The following ZNF705G variants were observed in gnomAD, a reference collection of about 807,000 sequenced individuals.
ZNF705G encodes zinc finger protein 705G.
In ZNF705G, 23 loss-of-function variants were observed where a neutral mutation model predicts 19.6. The observed-to-expected ratio is 1.17, with a 90% CI of 0.84 to 1.66. The LOEUF is 1.66. ZNF705G is among the 40% of genes most tolerant of loss of function. The pLI is 0.00. For synonymous variants in ZNF705G, 146 were observed against 117.7 expected, an observed-to-expected ratio of 1.24 and a Z score of -1.56; for missense variants, 457 against 354.4, an observed-to-expected ratio of 1.29 and a Z score of -2.32.
chr8:7,362,043 G>A lies in ZNF705G; in HGVS notation c.13-807C>T, dbSNP rs558980324. On this transcript the variant is annotated intron_variant, in intron 3 of 6. Coordinates refer to ENST00000400156, the MANE Select transcript of ZNF705G (RefSeq NM_001164457.3). ...AGCTTTCTGTTCTCAACTTTCTCTC[G>A]GCAATCCAAACATCAGTTATCATCG... is the stretch of plus-strand genomic sequence containing the variant. Among the ~76,000 whole-genome samples, 18 of 149,502 alleles carry A rather than the reference G, an allele frequency of 1.2e-4. 1 individual carries two copies. Among genetic ancestry groups the A allele is most frequent in the African/African-American group, 3.6e-4 (14 of 38,928 alleles).
intron 2 of ZNF705G, among the ~76,000 whole-genome samples, chr8:7,378,784 G>A (rs1181381547): frequency 1.4e-5 from 2 of 145,478 alleles, no homozygotes; most frequent in South Asian, 4.2e-4. Flanking sequence ...ATTACATTGG[G>A]CCCACCTGGA....
Position 7,374,887 on chromosome 8 carries a change from C to T in ZNF705G, c.-72+6565G>A, listed in dbSNP as rs1288367599. Among the ~76,000 whole-genome samples the T allele has an allele frequency of 5.4e-5, 5 of 92,056 alleles. 2 individuals are homozygous for T. Among genetic ancestry groups the T allele is most frequent in the African/African-American group, 1.0e-4 (2 of 19,622 alleles). 60.4% of individuals were successfully genotyped at this position (92,056 alleles called of 152,430 possible). A position where few individuals can be genotyped will look rare whatever the true frequency, so the allele number is the denominator to read the frequency against. On this transcript the variant is annotated intron_variant, in intron 2 of 6. Coordinates refer to ENST00000400156, the MANE Select transcript of ZNF705G (RefSeq NM_001164457.3). ...CAAATGGCCGGAAAAGACATAGTGTCCACAATATGCAATACACAAGGTTTA... is the reference window on the plus strand; with the variant it reads ...CAAATGGCCGGAAAAGACATAGTGTTCACAATATGCAATACACAAGGTTTA...
chr8:7,355,678 C>T lies in ZNF705G; in HGVS notation c.*2298G>A, dbSNP rs887389661. The T allele has an allele frequency of 2.7e-5, 4 of 149,818 alleles. No individual in the cohort carries two copies. The highest frequency in any genetic ancestry group is 1.0e-4 in the African/African-American group (4 of 39,186). The allele number at this position is 149,818 out of a possible 1,614,324, so 9.3% of individuals were successfully genotyped here. A position where few individuals can be genotyped will look rare whatever the true frequency, so the allele number is the denominator to read the frequency against. The stretch of plus-strand genomic sequence containing the variant: ...TAATGGCTGGAGATCTGCCACCATG[C>T]ATTTGTCAAATCCCATAGAATTTCA... On this transcript the variant is annotated 3_prime_UTR_variant, in exon 7 of 7. Transcript: ENST00000400156.
intron 2 of ZNF705G, among the ~76,000 whole-genome samples, chr8:7,381,133 C>T (rs1448828955): frequency 7.9e-6 from 1 of 127,060 alleles, no homozygotes; most frequent in African/African-American, 4.0e-5. Flanking sequence ...GTTGTCGTTG[C>T]CATTGCTTTG....
chr8:7,363,512 A>C (rs1266494651), intron 2 of ZNF705G, among the ~76,000 whole-genome samples: 12 of 149,824 alleles, frequency 8.0e-5, no homozygotes, highest in Admixed American at 1.3e-4. Flanking sequence ...TGGAACTTGG[A>C]AATAATCAAG....
At chr8:7,369,917 G>T (rs1302804373) in intron 2 of ZNF705G, among the ~76,000 whole-genome samples, 10 of 149,378 alleles carry the variant, frequency 6.7e-5, no homozygotes, top group East Asian at 3.9e-4. Flanking sequence ...ACAAAGGCCT[G>T]AAAAACTATC....
intron 6 of ZNF705G, 113 bp downstream of exon 6, chr8:7,359,506 G>C (rs1259680199): frequency 2.6e-6 from 4 of 1,528,234 alleles, no homozygotes; most frequent in African/African-American, 3.1e-5. Context: ...TTTTTGCTTA[G>C]AAAACACTTA....
Position 7,369,715 on chromosome 8 carries a change from C to T in ZNF705G, c.-71-6698G>A, listed in dbSNP as rs537825543. ...ATGTACACCATGGAATACTACACAA[C>T]CATAAAAAATTTATGTCCTTTGCAC... is the stretch of plus-strand genomic sequence containing the variant. On this transcript the variant is annotated intron_variant, in intron 2 of 6. Transcript: ENST00000400156. 4.2e-4 allele frequency among the ~76,000 whole-genome samples: 63 copies of T among 149,654 alleles called. 1 individual carries two copies. Among genetic ancestry groups the T allele is most frequent in the Admixed American group, 1.1e-3 (16 of 15,238 alleles).
intron 1 of ZNF705G, among the ~76,000 whole-genome samples, chr8:7,384,469 T>C (rs545502303): frequency 6.9e-6 from 1 of 145,636 alleles, no homozygotes; most frequent in African/African-American, 2.8e-5. Flanking sequence ...GAAAAAAAGC[T>C]CATCATCACT....
intron 2 of ZNF705G, among the ~76,000 whole-genome samples, chr8:7,363,647 C>T (rs1806709321): frequency 6.7e-6 from 1 of 149,226 alleles, no homozygotes; most frequent in South Asian, 2.1e-4. Flanking sequence ...ATGGTGAAAC[C>T]CCGTCTGTAG....
At chr8:7,382,490 T>C (rs1563304228) in intron 1 of ZNF705G, among the ~76,000 whole-genome samples, 1 of 146,630 alleles carries the variant, frequency 6.8e-6, no homozygotes, top group Non-Finnish European at 1.5e-5. Flanking sequence ...TCATTTCATG[T>C]CTCTGCATCT....
intron 2 of ZNF705G, among the ~76,000 whole-genome samples, chr8:7,368,176 A>G (rs1806946340): frequency 6.7e-6 from 1 of 149,546 alleles, no homozygotes; most frequent in Non-Finnish European, 1.5e-5. Flanking sequence ...TCTAATCAAA[A>G]ACTTCATTCT....
chr8:7,384,210 G>C (rs1807631196), intron 1 of ZNF705G, among the ~76,000 whole-genome samples: 1 of 138,748 alleles, frequency 7.2e-6, no homozygotes, highest in East Asian at 2.0e-4. Flanking sequence ...GTGATCTTGT[G>C]CAAATAATTC....
intron 1 of ZNF705G, among the ~76,000 whole-genome samples, chr8:7,383,555 TA>T (rs1203633524): frequency 6.9e-6 from 1 of 145,972 alleles, no homozygotes; most frequent in East Asian, 1.9e-4. Context: ...AGGAAGGAGG[TA>T]AGGAAGTGCT....
In ZNF705G at chr8:7,357,794, C is replaced by T. The variant is rs1320348285; in HGVS notation, c.*182G>A. ...ACAACTACAGCTGAAGTCTCTTCCA[C>T]ATTCCTTACCTTTGTCATTCCTAAC... On this transcript the variant is annotated 3_prime_UTR_variant, in exon 7 of 7. Coordinates refer to ENST00000400156, the MANE Select transcript of ZNF705G (RefSeq NM_001164457.3). 4.9e-5 allele frequency: 48 copies of T among 985,250 alleles called. No individual in the cohort carries two copies. The highest frequency in any genetic ancestry group is 6.3e-5 in the Non-Finnish European group (44 of 696,968). 61.0% of individuals were successfully genotyped at this position (985,250 alleles called of 1,614,324 possible). A position where few individuals can be genotyped will look rare whatever the true frequency, so the allele number is the denominator to read the frequency against.
chr8:7,381,038 A>C (rs1332804495), intron 2 of ZNF705G, among the ~76,000 whole-genome samples: 2 of 136,996 alleles, frequency 1.5e-5, no homozygotes, highest in Admixed American at 6.9e-5. Context: ...AAAAAAAAAA[A>C]AAAAAAAAAA....
intron 2 of ZNF705G, among the ~76,000 whole-genome samples, chr8:7,376,517 T>G (rs1238439533): frequency 8.6e-6 from 1 of 115,954 alleles, no homozygotes; most frequent in Non-Finnish European, 1.7e-5. Flanking sequence ...TACCTCAGAG[T>G]GTGTGGCCTA....
At position 7,362,229 on chromosome 8, in the gene ZNF705G, T is replaced by C. The variant is rs1421780731; in HGVS notation, c.12+706A>G. Among the ~76,000 whole-genome samples the C allele has an allele frequency of 2.0e-5, 3 of 149,744 alleles. 1 individual carries two copies. Among genetic ancestry groups the C allele is most frequent in the African/African-American group, 7.7e-5 (3 of 39,132 alleles). ...TTCTGAGTGTGCAACCATAATTAAATAATTATATTTCTTATATGTTACTTT... is the reference window on the plus strand; with the variant it reads ...TTCTGAGTGTGCAACCATAATTAAACAATTATATTTCTTATATGTTACTTT... On this transcript the variant is annotated intron_variant, in intron 3 of 6. Transcript: ENST00000400156.
At chr8:7,377,975 A>AT (rs1807313664) in intron 2 of ZNF705G, among the ~76,000 whole-genome samples, 1 of 140,482 alleles carries the variant, frequency 7.1e-6, no homozygotes, top group Admixed American at 6.9e-5. Flanking sequence ...AAAAAAAAAA[A>AT]AAAGTTTATA....
Sources: gnomAD v4.1 joint callset for allele counts (sites outside exome capture counted in the v4.1 genomes callset) on GRCh38, gnomAD v4.1.1 for gene constraint, MANE v1.5 for transcripts, NCBI Gene and HGNC (gene_info 2026-07-23, HGNC 2026-07-21) for gene names.